ZMYM2: variants seen among roughly 807,000 people sequenced by gnomAD.
ZMYM2 encodes zinc finger MYM-type protein 2.
In ZMYM2, 56 loss-of-function variants were observed where a neutral mutation model predicts 162.8. The ratio of observed to expected loss-of-function variants is 0.34; its 90% confidence interval spans 0.28 to 0.43. ZMYM2 has a LOEUF of 0.43. Ranked by LOEUF, ZMYM2 falls within the 20% of genes least tolerant of loss-of-function variation. The probability of loss-of-function intolerance (pLI) is 1.00; values close to 1 mark genes in which losing one functional copy is unlikely to be tolerated. For missense variants in ZMYM2, 1,275 were observed against 1,621.8 expected (o/e 0.79, Z 3.67); for synonymous variants, 510 against 541.6 (o/e 0.94, Z 0.81).
chr13:20,059,422 C>G, intron 15 of ZMYM2, 25 bp from the exon 16 acceptor site: 2 of 1,611,062 alleles, frequency 1.2e-6, no homozygotes, highest in Non-Finnish European at 1.7e-6. Flanking sequence ...TAACATTGCT[C>G]CTTAAATATG....
the ZMYM2 span, among the ~76,000 whole-genome samples, chr13:19,889,853 ATT>A: frequency 2.7e-5 from 4 of 147,782 alleles, no homozygotes; most frequent in South Asian, 8.6e-4. Flanking sequence ...ACCAATAAGT[ATT>A]TTTTTTTTGT....
the ZMYM2 span, among the ~76,000 whole-genome samples, chr13:19,878,046 TTTTTGATTAC>T: frequency 7.4e-6 from 1 of 134,902 alleles, no homozygotes; most frequent in Non-Finnish European, 1.6e-5. Flanking sequence ...CACTGATTAC[TTTTTGATTAC>T]TTTTTTTTTT....
At chr13:20,012,690 C>T (rs1844585922) in intron 6 of ZMYM2, among the ~76,000 whole-genome samples, 1 of 152,174 alleles carries the variant, frequency 6.6e-6, no homozygotes, top group African/African-American at 2.4e-5. Flanking sequence ...TTGTTTTGTA[C>T]TGGAATTCCA....
the ZMYM2 span, among the ~76,000 whole-genome samples, chr13:19,886,267 C>T: frequency 6.7e-4 from 97 of 145,630 alleles, no homozygotes; most frequent in African/African-American, 2.3e-3. Flanking sequence ...TGGGTTCAAG[C>T]GATTCTCCTG....
chr13:19,933,856 A>G, the ZMYM2 span, among the ~76,000 whole-genome samples: 1 of 152,162 alleles, frequency 6.6e-6, no homozygotes, highest in Non-Finnish European at 1.5e-5. Flanking sequence ...GTTTCTGGAG[A>G]ACTTTTGGTC....
intron 2 of ZMYM2, among the ~76,000 whole-genome samples, chr13:19,983,145 C>A (rs1404847920): frequency 1.4e-5 from 2 of 143,920 alleles, no homozygotes; most frequent in Non-Finnish European, 3.0e-5. Context: ...TCCCCACTTT[C>A]ACTTTTTTTT....
chr13:19,868,662 G>A, the ZMYM2 span, among the ~76,000 whole-genome samples: 4 of 152,114 alleles, frequency 2.6e-5, no homozygotes, highest in East Asian at 5.8e-4. Context: ...TGAAACACAC[G>A]GTTTTTTCTG....
intron 2 of ZMYM2, among the ~76,000 whole-genome samples, chr13:19,971,353 C>CCAG (rs1415032869): frequency 1.4e-5 from 2 of 144,472 alleles, no homozygotes; most frequent in Non-Finnish European, 3.0e-5. Flanking sequence ...TCACCACCAC[C>CCAG]TCTGCCTCCG....
chr13:19,952,963 TATC>T, the ZMYM2 span, among the ~76,000 whole-genome samples: 1 of 152,204 alleles, frequency 6.6e-6, no homozygotes, highest in African/African-American at 2.4e-5. Flanking sequence ...AGATTAATGT[TATC>T]ATCAGGGAAG....
intron 7 of ZMYM2, chr13:20,024,849 T>A: frequency 4.6e-6 from 1 of 216,020 alleles, no homozygotes; most frequent in Non-Finnish European, 9.3e-6. Flanking sequence ...AAAGAATGAG[T>A]TCATTTCCAC....
intron 3 of ZMYM2, among the ~76,000 whole-genome samples, chr13:19,997,785 A>G (rs1042451823): frequency 4.8e-4 from 73 of 152,340 alleles, no homozygotes; most frequent in Non-Finnish European, 2.4e-4. Context: ...ACCTGAGATC[A>G]TAGCATAGGT....
At chr13:19,921,725 T>G in the ZMYM2 span, among the ~76,000 whole-genome samples, 1 of 152,184 alleles carries the variant, frequency 6.6e-6, no homozygotes, top group African/African-American at 2.4e-5. Flanking sequence ...AATTTAGGTC[T>G]TTAACACAAC....
rs904779823 is a variant in ZMYM2, at chr13:20,082,953, G to GA, written c.3749dup (p.Asn1250LysfsTer23). ...CCTTTGGCACTGTGTTTAGGCATTG[G>GA]AAAAAAAATCCTTTAACGATGGAAA... On this transcript the variant is annotated frameshift_variant, in exon 23 of 25. Transcript: ENST00000610343. LOFTEE classifies it high-confidence loss of function. The GA allele has an allele frequency of 1.2e-6, 2 of 1,613,506 alleles. No homozygotes were observed. The highest frequency in any genetic ancestry group is 2.2e-5 in the East Asian group (1 of 44,870).
chr13:19,937,929 G>GT, the ZMYM2 span, among the ~76,000 whole-genome samples: 1 of 151,752 alleles, frequency 6.6e-6, no homozygotes, highest in Admixed American at 6.6e-5. Flanking sequence ...GAGAATGATG[G>GT]TTTCCAGTTT....
At chr13:20,011,440 T>C (rs1217764977) in intron 6 of ZMYM2, among the ~76,000 whole-genome samples, 3 of 152,252 alleles carry the variant, frequency 2.0e-5, no homozygotes, top group African/African-American at 4.8e-5. Flanking sequence ...TTTTGGGTTT[T>C]AGAGCATTTC....
chr13:19,921,442 G>A, the ZMYM2 span, among the ~76,000 whole-genome samples: 1 of 151,924 alleles, frequency 6.6e-6, no homozygotes. Flanking sequence ...GCCCAAACTT[G>A]TTTTTCTTTT....
At chr13:19,898,116 A>AT in the ZMYM2 span, among the ~76,000 whole-genome samples, 1 of 152,212 alleles carries the variant, frequency 6.6e-6, no homozygotes, top group Non-Finnish European at 1.5e-5. Context: ...GTCTTGCTAC[A>AT]TTTTAAAAGA....
At chr13:19,896,284 C>T in the ZMYM2 span, among the ~76,000 whole-genome samples, 1 of 151,418 alleles carries the variant, frequency 6.6e-6, no homozygotes, top group Non-Finnish European at 1.5e-5. Flanking sequence ...GCTGGGACTA[C>T]AATTGCATGC....
intron 2 of ZMYM2, among the ~76,000 whole-genome samples, chr13:19,983,402 T>C (rs1216300992): frequency 1.3e-5 from 2 of 152,132 alleles, no homozygotes; most frequent in Non-Finnish European, 1.5e-5. Flanking sequence ...TCCCTCGGCC[T>C]CCCAAAGTGC....
Sources: gnomAD v4.1 joint callset for allele counts (sites outside exome capture counted in the v4.1 genomes callset) on GRCh38, gnomAD v4.1.1 for gene constraint, MANE v1.5 for transcripts, NCBI Gene and HGNC (gene_info 2026-07-23, HGNC 2026-07-21) for gene names.